PARL: variants seen among roughly 807,000 people sequenced by gnomAD.
PARL encodes presenilin associated rhomboid like.
In PARL, 44 loss-of-function variants were observed where a neutral mutation model predicts 51.6. That is an observed-to-expected ratio of 0.85 (90% CI 0.67 to 1.10). PARL has a LOEUF of 1.10. Ranked by LOEUF, PARL falls within the 50% of genes least tolerant of loss-of-function variation. PARL has a pLI of 0.00. For missense variants in PARL, 441 were observed against 469.5 expected (o/e 0.94, Z 0.56); for synonymous variants, 172 against 164.0 (o/e 1.05, Z -0.37).
At position 183,833,812 on chromosome 3, in the gene PARL, A is replaced by G. The variant is rs1176455771; in HGVS notation, c.842T>C (p.Met281Thr). ...AGTGCAGACAGCTGCGAGGACTGTC[A>G]TGATGGCACCAGACTGCAAAGTAAC... ...GPSLGASGAI[M>T]TVLAAVCTKI... is the part of the protein sequence containing the mutation. Residue 281 changes from methionine to threonine, a missense_variant, in exon 8 of 10, where the codon ATG (methionine) becomes ACG (threonine). Coordinates refer to ENST00000317096, the MANE Select transcript of PARL (RefSeq NM_018622.7). The G allele has an allele frequency of 4.3e-6, 7 of 1,610,240 alleles. No homozygotes were observed. Among genetic ancestry groups the G allele is most frequent in the East Asian group, 2.2e-5 (1 of 44,892 alleles).
chr3:183,841,627 T>C (rs781136220), intron 6 of PARL, among the ~76,000 whole-genome samples: 1 of 152,230 alleles, frequency 6.6e-6, no homozygotes. Context: ...TTAATTTTTA[T>C]ATTGTATTAA....
At position 183,844,248 on chromosome 3, in the gene PARL, G is replaced by A. The variant is rs1442177714; in HGVS notation, c.590C>T (p.Thr197Ile). ...SLQRTMIRYFTSNPASKVLCS... is the reference protein window; with the variant it reads ...SLQRTMIRYFISNPASKVLCS... ...AGACTTACTTGAGGCTGGATTCGAT[G>A]TGAAATATCTGATCATTGTCCGCTG... Residue 197 changes from threonine (T) to isoleucine (I), a missense_variant, in exon 5 of 10, where the codon ACA becomes ATA. Transcript: ENST00000317096. 2 of 1,601,864 alleles carry A rather than the reference G, an allele frequency of 1.2e-6. No homozygotes were observed. The highest frequency in any genetic ancestry group is 2.2e-5 in the East Asian group (1 of 44,814).
rs530005170 is a variant in PARL, at chr3:183,879,813, T to G, written c.125+4909A>C. 1.5e-5 allele frequency: 4 copies of G among 273,128 alleles called. No homozygotes were observed. In the East Asian group the frequency reaches 5.3e-4, roughly 36 times the overall value. 16.9% of individuals were successfully genotyped at this position (273,128 alleles called of 1,614,324 possible). A position where few individuals can be genotyped will look rare whatever the true frequency, so the allele number is the denominator to read the frequency against. On this transcript the variant is annotated intron_variant, in intron 1 of 9. Transcript: ENST00000317096. ...CTCACTGCAACCTTCGCCTCTAGAG[T>G]TCAAGTGATTCCCCTGCCTCAGCCT...
intron 5 of PARL, chr3:183,843,049 A>C (rs1729532674): frequency 9.5e-6 from 2 of 209,880 alleles, no homozygotes; most frequent in Non-Finnish European, 1.6e-5. Context: ...ATGCCCAACT[A>C]ATTTTTGTAT....
intron 3 of PARL, among the ~76,000 whole-genome samples, chr3:183,863,220 T>C (rs1440710482): frequency 6.6e-6 from 1 of 152,246 alleles, no homozygotes; most frequent in South Asian, 2.1e-4. Flanking sequence ...GTCTACTAAA[T>C]TGCACTTTTT....
chr3:183,862,805 A>C lies in PARL; in HGVS notation c.463-4T>G, dbSNP rs1010745535. On this transcript the variant is annotated splice_polypyrimidine_tract_variant and splice_region_variant and intron_variant, in intron 3 of 9. Transcript: ENST00000317096. ...GGTTATTCCACCACTTGTTAATCTAAAACAGACAGAAAATTGCATCACCAC... is the reference window on the plus strand; with the variant it reads ...GGTTATTCCACCACTTGTTAATCTACAACAGACAGAAAATTGCATCACCAC... 1 of 1,611,990 alleles carries C rather than the reference A, an allele frequency of 6.2e-7. No homozygotes were observed. Among genetic ancestry groups the C allele is most frequent in the Non-Finnish European group, 8.5e-7 (1 of 1,178,144 alleles).
intron 4 of PARL, among the ~76,000 whole-genome samples, chr3:183,854,015 G>C (rs781237656): frequency 2.6e-5 from 4 of 152,080 alleles, no homozygotes; most frequent in Non-Finnish European, 4.4e-5. Context: ...GAGGCAAGTG[G>C]ATCACCTGAG....
intron 3 of PARL, among the ~76,000 whole-genome samples, chr3:183,864,881 A>G (rs1052534121): frequency 6.6e-6 from 1 of 151,228 alleles, no homozygotes; most frequent in Non-Finnish European, 1.5e-5. Flanking sequence ...AGTAAATGAA[A>G]AGCTCTAAAA....
chr3:183,832,630 C>T (rs964213811), intron 9 of PARL, among the ~76,000 whole-genome samples: 2 of 152,114 alleles, frequency 1.3e-5, no homozygotes, highest in African/African-American at 4.8e-5. Flanking sequence ...AAAGACAGGC[C>T]CCGAGGGGAT....
At position 183,862,947 on chromosome 3, in the gene PARL, G is replaced by C. The variant is rs375752335; in HGVS notation, c.463-146C>G. Reference sequence around the variant, plus strand: ...TCACAGACATAATAAATACGTGGTAGAGTGGAAAAGGCACATGTTTTATAG... The same window carrying C: ...TCACAGACATAATAAATACGTGGTACAGTGGAAAAGGCACATGTTTTATAG... On this transcript the variant is annotated intron_variant, in intron 3 of 9. Transcript: ENST00000317096. The C allele has an allele frequency of 1.0e-4, 72 of 718,630 alleles. No homozygotes were observed. In the African/African-American group the frequency reaches 1.2e-3, roughly 12 times the overall value. The allele number at this position is 718,630 out of a possible 1,614,324, so 44.5% of individuals were successfully genotyped here.
Position 183,852,373 on chromosome 3 carries a change from T to C in PARL, c.512-8047A>G, listed in dbSNP as rs184432721. On this transcript the variant is annotated intron_variant, in intron 4 of 9. Transcript: ENST00000317096. ...ATATCGACGAACCATTAAAACGCTA[T>C]GCTATGCAAAAGAAGCTGGACCAAA... is the stretch of plus-strand genomic sequence containing the variant. 5.9e-5 allele frequency among the ~76,000 whole-genome samples: 9 copies of C among 152,086 alleles called. No homozygotes were observed. The South Asian group carries it at 6.2e-4, about 11-fold the overall frequency.
intron 3 of PARL, among the ~76,000 whole-genome samples, chr3:183,865,508 C>T (rs1732367223): frequency 6.6e-6 from 1 of 152,166 alleles, no homozygotes; most frequent in South Asian, 2.1e-4. Flanking sequence ...GCTCTGCCTC[C>T]TGTCAGATCA....
chr3:183,833,417 G>T, intron 9 of PARL, 75 bp downstream of exon 9: 1 of 881,066 alleles, frequency 1.1e-6, no homozygotes. Context: ...GGGATGGGGG[G>T]TAGGGGTGAG....
intron 1 of PARL, among the ~76,000 whole-genome samples, chr3:183,881,428 T>C (rs547211437): frequency 2.6e-5 from 4 of 152,270 alleles, no homozygotes; most frequent in Non-Finnish European, 4.4e-5. Flanking sequence ...AGCCTGTGCA[T>C]TGTTTTTAAG....
chr3:183,871,783 T>A (rs906702992), intron 1 of PARL, among the ~76,000 whole-genome samples: 17 of 152,052 alleles, frequency 1.1e-4, no homozygotes, highest in African/African-American at 3.9e-4. Flanking sequence ...TTTATCTTGA[T>A]TTAGGTGATA....
chr3:183,877,415 T>C (rs1450584929), intron 1 of PARL, among the ~76,000 whole-genome samples: 1 of 152,192 alleles, frequency 6.6e-6, no homozygotes, highest in African/African-American at 2.4e-5. Flanking sequence ...AGGATTTAGA[T>C]TACATAAACC....
chr3:183,856,007 T>C (rs1179893171), intron 4 of PARL, among the ~76,000 whole-genome samples: 1 of 151,700 alleles, frequency 6.6e-6, no homozygotes, highest in Non-Finnish European at 1.5e-5. Context: ...CAAACAAAGT[T>C]TCACTTGTTC....
chr3:183,883,721 T>C lies in PARL; in HGVS notation c.125+1001A>G, dbSNP rs1734811225. The C allele has an allele frequency of 5.1e-6, 5 of 983,586 alleles. No individual in the cohort carries two copies. The African/African-American group carries it at 7.0e-5, about 14-fold the overall frequency. 60.9% of individuals were successfully genotyped at this position (983,586 alleles called of 1,614,324 possible). Reference sequence around the variant, plus strand: ...ATGAAGATACAATGTATGTAAAGTTTTCACAAGTCCCTGATAAAATTCACC... The same window carrying C: ...ATGAAGATACAATGTATGTAAAGTTCTCACAAGTCCCTGATAAAATTCACC... On this transcript the variant is annotated intron_variant, in intron 1 of 9. Coordinates refer to ENST00000317096, the MANE Select transcript of PARL (RefSeq NM_018622.7).
chr3:183,876,610 T>TAAAAA (rs576376716), intron 1 of PARL, among the ~76,000 whole-genome samples: 17 of 91,828 alleles, frequency 1.9e-4, no homozygotes, highest in African/African-American at 3.8e-4. Context: ...ATACATTTTG[T>TAAAAA]AAAAAAAAAA....
Sources: allele counts gnomAD v4.1 joint callset (sites outside exome capture counted in the v4.1 genomes callset), GRCh38; gene constraint gnomAD v4.1.1; transcripts MANE v1.5; gene names NCBI Gene and HGNC (gene_info 2026-07-23, HGNC 2026-07-21).